The following FRMD4A variants were observed in gnomAD, a reference collection of about 807,000 sequenced individuals.
FRMD4A encodes FERM domain-containing protein 4A.
Under a neutral mutation model 129.1 loss-of-function variants are expected in FRMD4A, and 29 were observed. The ratio of observed to expected loss-of-function variants is 0.22; its 90% CI spans 0.17 to 0.31. The LOEUF is 0.31. Among genes scored for constraint, FRMD4A ranks in the 10% least tolerant of loss-of-function variants. The pLI is 1.00. For missense variants in FRMD4A, 1,272 were observed against 1,375.8 expected, an observed-to-expected ratio of 0.92 and a Z score of 1.19; for synonymous variants, 634 against 571.6, an observed-to-expected ratio of 1.11 and a Z score of -1.56.
intron 2 of FRMD4A, among the ~76,000 whole-genome samples, chr10:14,066,169 C>A (rs1038994274): frequency 1.3e-5 from 2 of 152,038 alleles, no homozygotes; most frequent in Non-Finnish European, 2.9e-5. Context: ...TCCATTGATT[C>A]AGAGTTGCAG....
intron 2 of FRMD4A, among the ~76,000 whole-genome samples, chr10:14,157,920 G>C (rs552217995): frequency 6.6e-6 from 1 of 152,276 alleles, no homozygotes; most frequent in East Asian, 1.9e-4. Flanking sequence ...AACTTCTGGG[G>C]ACAATAGAAT....
chr10:13,777,360 T>C (rs1000560638), intron 6 of FRMD4A, among the ~76,000 whole-genome samples: 10 of 152,228 alleles, frequency 6.6e-5, no homozygotes, highest in African/African-American at 2.4e-4. Flanking sequence ...TAAATGGCAA[T>C]TTGTACAAAT....
intron 2 of FRMD4A, among the ~76,000 whole-genome samples, chr10:13,879,029 T>C (rs1163717033): frequency 2.0e-5 from 3 of 152,208 alleles, no homozygotes; most frequent in Non-Finnish European, 4.4e-5. Context: ...AATTCCTGAT[T>C]GTGGTGATGG....
chr10:13,905,246 G>A (rs2094869833), intron 2 of FRMD4A, among the ~76,000 whole-genome samples: 1 of 152,042 alleles, frequency 6.6e-6, no homozygotes, highest in African/African-American at 2.4e-5. Flanking sequence ...TAATAGAGCA[G>A]GTCTAGTTTC....
intron 2 of FRMD4A, among the ~76,000 whole-genome samples, chr10:13,870,536 G>T (rs1013267596): frequency 6.6e-6 from 1 of 152,214 alleles, no homozygotes; most frequent in Non-Finnish European, 1.5e-5. Flanking sequence ...CATTCAGCCC[G>T]GTGCTGGGGA....
intron 2 of FRMD4A, among the ~76,000 whole-genome samples, chr10:14,325,639 G>A (rs777977242): frequency 6.6e-6 from 1 of 152,242 alleles, no homozygotes; most frequent in African/African-American, 2.4e-5. Context: ...CATTGTTACA[G>A]TTCCTGCGTA....
chr10:13,838,991 CTTTTT>C (rs373871027), intron 3 of FRMD4A, among the ~76,000 whole-genome samples: 15 of 95,704 alleles, frequency 1.6e-4, no homozygotes, highest in Admixed American at 4.5e-4. Context: ...GAATAATTTC[CTTTTT>C]TTTTTTTTTT....
chr10:13,941,318 A>T (rs2095290549), intron 2 of FRMD4A, among the ~76,000 whole-genome samples: 1 of 152,168 alleles, frequency 6.6e-6, no homozygotes, highest in Non-Finnish European at 1.5e-5. Flanking sequence ...CATATAAGAC[A>T]TGCCTTCTGC....
intron 3 of FRMD4A, among the ~76,000 whole-genome samples, chr10:13,836,755 C>CTT (rs35995042): frequency 0.058 from 6,336 of 109,978 alleles, 459 homozygotes; most frequent in African/African-American, 0.12. Context: ...CTCAGTGGTT[C>CTT]TTTTTTTTTT....
At chr10:13,656,408 C>G (rs187437813) in intron 22 of FRMD4A, among the ~76,000 whole-genome samples, 1 of 152,314 alleles carries the variant, frequency 6.6e-6, no homozygotes, top group African/African-American at 2.4e-5. Context: ...TCTGGAGGGT[C>G]AGGTGCACGG....
At chr10:14,186,824 G>A (rs1178872432) in intron 2 of FRMD4A, among the ~76,000 whole-genome samples, 2 of 152,044 alleles carry the variant, frequency 1.3e-5, no homozygotes, top group Non-Finnish European at 2.9e-5. Flanking sequence ...GTACCCTTAA[G>A]GAATACCCTT....
chr10:13,693,440 T>C lies in FRMD4A; in HGVS notation c.1117+458A>G, dbSNP rs1254543772. 56 of 954,472 alleles carry C rather than the reference T, an allele frequency of 5.9e-5. No homozygotes were observed. In the South Asian group the frequency reaches 7.4e-4, roughly 13 times the overall value. The allele number at this position is 954,472 out of a possible 1,614,324, so 59.1% of individuals were successfully genotyped here. ...GGAGAAATCATGCCCTGCGACACGA[T>C]GGAGAGAGTATTCCGCATTTTTAAA... On this transcript the variant is annotated intron_variant, in intron 15 of 24. Transcript: ENST00000357447.
chr10:14,059,523 C>T (rs576985757), intron 2 of FRMD4A, among the ~76,000 whole-genome samples: 10 of 152,260 alleles, frequency 6.6e-5, no homozygotes, highest in South Asian at 4.1e-4. Flanking sequence ...GAGCAGACAG[C>T]GAGAAGGTGG....
chr10:13,925,751 T>C (rs2095126872), intron 2 of FRMD4A, among the ~76,000 whole-genome samples: 2 of 151,618 alleles, frequency 1.3e-5, no homozygotes. Flanking sequence ...GCCTGAATAA[T>C]TTTTTGTAAT....
At position 14,048,907 on chromosome 10, in the gene FRMD4A, T is replaced by TAG. The variant is rs1211439981; in HGVS notation, c.46-189996_46-189995insCT. Reference sequence around the variant, plus strand: ...GAATAGAATAGAATAGAATAGAAAATAAAATGAAATATGGTGGGAGTAGGA... The same window carrying TAG: ...GAATAGAATAGAATAGAATAGAAAATAGAAAATGAAATATGGTGGGAGTAGGA... On this transcript the variant is annotated intron_variant, in intron 2 of 24. Coordinates refer to ENST00000357447, the MANE Select transcript of FRMD4A (RefSeq NM_018027.5). Among the ~76,000 whole-genome samples, 14 of 145,108 alleles carry TAG rather than the reference T, an allele frequency of 9.6e-5. No homozygotes were observed. In the East Asian group the frequency reaches 2.1e-3, roughly 22 times the overall value.
At chr10:14,184,870 G>A (rs1842036104) in intron 2 of FRMD4A, among the ~76,000 whole-genome samples, 1 of 152,156 alleles carries the variant, frequency 6.6e-6, no homozygotes, top group Non-Finnish European at 1.5e-5. Flanking sequence ...TGCATGGCCT[G>A]CCCGGATACA....
chr10:13,683,894 G>T (rs981604783), intron 15 of FRMD4A: 1 of 152,074 alleles, frequency 6.6e-6, no homozygotes, highest in Non-Finnish European at 1.5e-5. Context: ...ATTTTTAGTA[G>T]AGATGGGGTT....
At chr10:13,749,875 G>A (rs2091482796) in intron 8 of FRMD4A, among the ~76,000 whole-genome samples, 1 of 151,318 alleles carries the variant, frequency 6.6e-6, no homozygotes, top group African/African-American at 2.4e-5. Flanking sequence ...TGTAGTCCTA[G>A]TTACCCAGGA....
At chr10:13,820,764 C>T (rs1296238019) in intron 3 of FRMD4A, among the ~76,000 whole-genome samples, 6 of 152,198 alleles carry the variant, frequency 3.9e-5, no homozygotes, top group African/African-American at 7.2e-5. Flanking sequence ...CAGCCACAGC[C>T]GCCGCTCTGT....
Sources: allele counts gnomAD v4.1 joint callset (sites outside exome capture counted in the v4.1 genomes callset), GRCh38; gene constraint gnomAD v4.1.1; transcripts MANE v1.5; gene names NCBI Gene and HGNC (gene_info 2026-07-23, HGNC 2026-07-21).